The following SLC24A2 variants were observed in gnomAD, a reference collection of about 807,000 sequenced individuals.
The protein encoded by SLC24A2 is solute carrier family 24 member 2, also known as sodium/potassium/calcium exchanger 2.
SLC24A2 carries 36 observed loss-of-function variants against 62.0 expected under a neutral mutation model. That is an observed-to-expected ratio of 0.58 (90% CI 0.44 to 0.77). SLC24A2 has a LOEUF of 0.77. Among genes scored for constraint, SLC24A2 ranks in the 30% least tolerant of loss-of-function variants. The probability of loss-of-function intolerance (pLI) is 0.00; values close to 1 mark genes in which losing one functional copy is unlikely to be tolerated. For synonymous variants in SLC24A2, 358 were observed against 294.0 expected (o/e 1.22, Z -2.23); for missense variants, 846 against 817.9 (o/e 1.03, Z -0.42).
At chr9:19,571,943 C>A (rs778227317) in intron 7 of SLC24A2, among the ~76,000 whole-genome samples, 5 of 152,122 alleles carry the variant, frequency 3.3e-5, no homozygotes, top group Non-Finnish European at 5.9e-5. Flanking sequence ...TTAACTACTT[C>A]ATCTCACTGA....
At chr9:19,919,484 G>T in the SLC24A2 span, among the ~76,000 whole-genome samples, 6 of 151,896 alleles carry the variant, frequency 4.0e-5, no homozygotes, top group African/African-American at 1.2e-4. Context: ...TGTGGCAAAA[G>T]AAAAAATATC....
At chr9:19,717,308 G>A (rs1294976221) in intron 2 of SLC24A2, among the ~76,000 whole-genome samples, 1 of 152,206 alleles carries the variant, frequency 6.6e-6, no homozygotes. Context: ...ATCACAAAGA[G>A]AGATACACTA....
the SLC24A2 span, among the ~76,000 whole-genome samples, chr9:20,185,820 G>C: frequency 1.3e-5 from 2 of 152,124 alleles, no homozygotes; most frequent in South Asian, 2.1e-4. Context: ...GGTAGGGAAG[G>C]GGGTAAAAAG....
chr9:20,028,760 C>T, the SLC24A2 span, among the ~76,000 whole-genome samples: 1 of 152,244 alleles, frequency 6.6e-6, no homozygotes, highest in Non-Finnish European at 1.5e-5. Flanking sequence ...GTCTGTCCTC[C>T]TCCTTTGATT....
At chr9:19,702,572 G>C (rs1039558895) in intron 2 of SLC24A2, among the ~76,000 whole-genome samples, 1 of 152,102 alleles carries the variant, frequency 6.6e-6, no homozygotes, top group African/African-American at 2.4e-5. Context: ...CCCAGAACTG[G>C]TCTTTCAGTA....
the SLC24A2 span, among the ~76,000 whole-genome samples, chr9:20,306,490 G>A: frequency 6.6e-6 from 1 of 152,210 alleles, no homozygotes; most frequent in Non-Finnish European, 1.5e-5. Flanking sequence ...CTGCAAACCT[G>A]TGGCTGAGAT....
the SLC24A2 span, among the ~76,000 whole-genome samples, chr9:20,261,151 C>T: frequency 6.6e-6 from 1 of 152,138 alleles, no homozygotes; most frequent in East Asian, 1.9e-4. Flanking sequence ...AGCCACTGCA[C>T]CCGGCCCAAT....
the SLC24A2 span, among the ~76,000 whole-genome samples, chr9:19,969,307 C>G: frequency 2.6e-5 from 4 of 151,950 alleles, no homozygotes; most frequent in African/African-American, 9.7e-5. Flanking sequence ...CTCCCTCCCC[C>G]AAAACCTAAA....
At chr9:19,917,774 G>A in the SLC24A2 span, among the ~76,000 whole-genome samples, 1 of 152,042 alleles carries the variant, frequency 6.6e-6, no homozygotes, top group Admixed American at 6.6e-5. Flanking sequence ...TTAAGATTAT[G>A]TGATATTATT....
At chr9:19,835,022 T>C in the SLC24A2 span, among the ~76,000 whole-genome samples, 1 of 151,970 alleles carries the variant, frequency 6.6e-6, no homozygotes, top group Non-Finnish European at 1.5e-5. Context: ...GACAAGCAAA[T>C]GCTGAGAGAT....
the SLC24A2 span, among the ~76,000 whole-genome samples, chr9:19,973,589 C>A: frequency 6.6e-6 from 1 of 152,164 alleles, no homozygotes; most frequent in African/African-American, 2.4e-5. Flanking sequence ...GCTAATATTT[C>A]TGAATTTTGT....
At chr9:20,117,709 T>C in the SLC24A2 span, among the ~76,000 whole-genome samples, 1 of 152,132 alleles carries the variant, frequency 6.6e-6, no homozygotes, top group Non-Finnish European at 1.5e-5. Context: ...GTCTGTTTGA[T>C]TCCAAGGTCC....
At chr9:19,850,967 G>GTATATATATATATATACATA in the SLC24A2 span, among the ~76,000 whole-genome samples, 13 of 18,178 alleles carry the variant, frequency 7.2e-4, no homozygotes, top group Non-Finnish European at 1.5e-3. Context: ...ATATATATAT[G>GTATATATATATATATACATA]TATATATATA....
At chr9:19,908,779 G>T in the SLC24A2 span, among the ~76,000 whole-genome samples, 105 of 152,336 alleles carry the variant, frequency 6.9e-4, no homozygotes, top group African/African-American at 2.4e-3. Context: ...AGACCACACT[G>T]AGATACCATC....
At chr9:20,235,074 C>T in the SLC24A2 span, among the ~76,000 whole-genome samples, 23 of 152,328 alleles carry the variant, frequency 1.5e-4, no homozygotes, top group Admixed American at 9.1e-4. Flanking sequence ...GCTGCCTGAT[C>T]GTTCCTCTGG....
At chr9:20,105,395 A>AT in the SLC24A2 span, among the ~76,000 whole-genome samples, 1 of 151,848 alleles carries the variant, frequency 6.6e-6, no homozygotes. Context: ...CAGAATATAC[A>AT]TTTTTTTCAG....
intron 7 of SLC24A2, among the ~76,000 whole-genome samples, chr9:19,568,940 C>G (rs567894881): frequency 2.5e-4 from 38 of 152,154 alleles, no homozygotes; most frequent in Non-Finnish European, 4.4e-4. Context: ...ATGCTATTTC[C>G]CTTCTCCCCC....
In SLC24A2 at chr9:19,642,703, C is replaced by T. The variant is rs546056642; in HGVS notation, c.931-20404G>A. Among the ~76,000 whole-genome samples, 47 of 92,834 alleles carry T rather than the reference C, an allele frequency of 5.1e-4. No individual in the cohort carries two copies. In the South Asian group the frequency reaches 0.013, roughly 25 times the overall value. The allele number at this position is 92,834 out of a possible 152,430, so 60.9% of individuals were successfully genotyped here. The stretch of plus-strand genomic sequence containing the variant: ...TTTTTTTTTTTTTTTTTTTTTGAGA[C>T]GGAGCCTCGCTCTTTCGCCCAGTCT... On this transcript the variant is annotated intron_variant, in intron 2 of 10. Transcript: ENST00000341998.
At chr9:19,521,285 A>C (rs74702037) in intron 9 of SLC24A2, among the ~76,000 whole-genome samples, 4,097 of 152,310 alleles carry the variant, frequency 0.027, 198 homozygotes, top group African/African-American at 0.095. Flanking sequence ...TTAAACAGAT[A>C]ATCTCAAAAA....
Sources: allele counts gnomAD v4.1 joint callset (sites outside exome capture counted in the v4.1 genomes callset), GRCh38; gene constraint gnomAD v4.1.1; transcripts MANE v1.5; gene names NCBI Gene and HGNC (gene_info 2026-07-23, HGNC 2026-07-21).